ANK1: variants seen among roughly 807,000 people sequenced by gnomAD.
ANK1 encodes ankyrin-1.
Under a neutral mutation model 210.4 loss-of-function variants are expected in ANK1, and 51 were observed. That is an observed-to-expected ratio of 0.24 (90% CI 0.19 to 0.31). The LOEUF (loss-of-function observed/expected upper bound fraction) is 0.31, where lower values mean the gene tolerates loss of function less well. ANK1 is among the 10% of genes least tolerant of loss of function. The pLI is 1.00. For synonymous variants in ANK1, 967 were observed against 1,025.9 expected, an observed-to-expected ratio of 0.94 and a Z score of 1.10; for missense variants, 2,051 against 2,504.4, an observed-to-expected ratio of 0.82 and a Z score of 3.86.
chr8:41,844,968 C>T (rs1809739730), intron 1 of ANK1, among the ~76,000 whole-genome samples: 1 of 152,176 alleles, frequency 6.6e-6, no homozygotes, highest in African/African-American at 2.4e-5. Flanking sequence ...ATGGAATCTG[C>T]ACCAGCCCCA....
chr8:41,779,503 C>T (rs1323940641), intron 1 of ANK1, among the ~76,000 whole-genome samples: 1 of 152,018 alleles, frequency 6.6e-6, no homozygotes, highest in Non-Finnish European at 1.5e-5. Context: ...ATCTTCTTGC[C>T]TTGGGCTCCC....
intron 1 of ANK1, among the ~76,000 whole-genome samples, chr8:41,890,880 C>T (rs1819312584): frequency 6.6e-6 from 1 of 152,018 alleles, no homozygotes; most frequent in African/African-American, 2.4e-5. Context: ...GAAAAAAAAC[C>T]TGTACTAGTT....
intron 1 of ANK1, among the ~76,000 whole-genome samples, chr8:41,843,938 A>C (rs562725905): frequency 2.6e-5 from 4 of 152,314 alleles, no homozygotes; most frequent in African/African-American, 9.6e-5. Flanking sequence ...GCAGTGGTGC[A>C]ATCATGGCTC....
chr8:41,790,584 G>T (rs1193438654), intron 1 of ANK1, among the ~76,000 whole-genome samples: 1 of 148,556 alleles, frequency 6.7e-6, no homozygotes, highest in Non-Finnish European at 1.5e-5. Flanking sequence ...TTCATGACCT[G>T]CCCTGAATCT....
chr8:41,785,655 G>A (rs1371470788), intron 1 of ANK1, among the ~76,000 whole-genome samples: 2 of 152,204 alleles, frequency 1.3e-5, no homozygotes, highest in East Asian at 3.9e-4. Flanking sequence ...CCCAACCACT[G>A]CTGCCCCTGC....
intron 1 of ANK1, among the ~76,000 whole-genome samples, chr8:41,813,380 A>C (rs908518825): frequency 6.6e-6 from 1 of 152,198 alleles, no homozygotes. Context: ...TCATAGCCAG[A>C]TATTAAGAAA....
At chr8:41,834,680 C>A (rs892867445) in intron 1 of ANK1, among the ~76,000 whole-genome samples, 1 of 152,208 alleles carries the variant, frequency 6.6e-6, no homozygotes, top group African/African-American at 2.4e-5. Context: ...TCGAAGAGGC[C>A]ACAAGAAGTA....
At chr8:41,783,855 G>A (rs1329800418) in intron 1 of ANK1, among the ~76,000 whole-genome samples, 1 of 152,180 alleles carries the variant, frequency 6.6e-6, no homozygotes, top group Non-Finnish European at 1.5e-5. Flanking sequence ...TTGAGGCCAG[G>A]AGTTTGCCAC....
intron 1 of ANK1, among the ~76,000 whole-genome samples, chr8:41,858,395 AG>A (rs564217755): frequency 1.1e-4 from 16 of 152,020 alleles, no homozygotes; most frequent in African/African-American, 3.9e-4. Flanking sequence ...CTAGGCCAAG[AG>A]GGTGATGCCC....
intron 5 of ANK1, 80 bp from the exon 6 acceptor site, chr8:41,726,026 G>C: frequency 4.7e-6 from 7 of 1,504,650 alleles, no homozygotes; most frequent in South Asian, 1.2e-5. Flanking sequence ...CTTGCCCCTC[G>C]GGCTTATGCT....
intron 1 of ANK1, among the ~76,000 whole-genome samples, chr8:41,784,555 CA>C (rs1845973083): frequency 6.6e-6 from 1 of 152,168 alleles, no homozygotes; most frequent in South Asian, 2.1e-4. Context: ...ATATGAAAGG[CA>C]AGGAGAAAAC....
intron 22 of ANK1, among the ~76,000 whole-genome samples, chr8:41,699,852 C>T (rs1173792660): frequency 1.3e-5 from 2 of 152,232 alleles, no homozygotes; most frequent in East Asian, 3.8e-4. Context: ...TTTAGCTGTG[C>T]AATGGCACCA....
chr8:41,861,432 C>T (rs1011995966), intron 1 of ANK1, among the ~76,000 whole-genome samples: 7 of 152,218 alleles, frequency 4.6e-5, no homozygotes, highest in Admixed American at 2.0e-4. Context: ...AAAGGGCCTG[C>T]GTGAAATTAA....
intron 37 of ANK1, 49 bp downstream of exon 37, chr8:41,684,495 G>C: frequency 6.2e-7 from 1 of 1,610,326 alleles, no homozygotes; most frequent in Non-Finnish European, 8.5e-7. Flanking sequence ...GCTGATGCCT[G>C]TAGGGCAGGG....
intron 1 of ANK1, among the ~76,000 whole-genome samples, chr8:41,803,816 T>C (rs1235638444): frequency 6.6e-6 from 1 of 152,158 alleles, no homozygotes; most frequent in African/African-American, 2.4e-5. Context: ...AGGTGGTACA[T>C]TGCATTAATA....
chr8:41,671,424 C>T (rs1020346875), intron 38 of ANK1, among the ~76,000 whole-genome samples: 6 of 152,140 alleles, frequency 3.9e-5, no homozygotes, highest in Non-Finnish European at 7.4e-5. Flanking sequence ...AGAGGAGCTC[C>T]GAACGCCAGC....
intron 1 of ANK1, among the ~76,000 whole-genome samples, chr8:41,872,360 G>A (rs890436760): frequency 6.6e-6 from 1 of 152,208 alleles, no homozygotes; most frequent in Non-Finnish European, 1.5e-5. Context: ...GCCCTAAGGC[G>A]AGGCCTCTGT....
chr8:41,723,791 T>A (rs1171825275), intron 7 of ANK1, among the ~76,000 whole-genome samples, 158 bp from the exon 8 acceptor site: 71 of 149,656 alleles, frequency 4.7e-4, no homozygotes, highest in African/African-American at 1.6e-3. Flanking sequence ...TTTTATTTTT[T>A]ATTTTTTTTT....
At chr8:41,740,071 A>C (rs1246655461) in intron 2 of ANK1, among the ~76,000 whole-genome samples, 1 of 149,964 alleles carries the variant, frequency 6.7e-6, no homozygotes, top group Non-Finnish European at 1.5e-5. Flanking sequence ...TGGCAGCAAA[A>C]CCTGTCTCAC....
Sources: gnomAD v4.1 joint callset for allele counts (sites outside exome capture counted in the v4.1 genomes callset) on GRCh38, gnomAD v4.1.1 for gene constraint, MANE v1.5 for transcripts, NCBI Gene and HGNC (gene_info 2026-07-23, HGNC 2026-07-21) for gene names.